The following SORCS1 variants were observed in gnomAD, a reference collection of about 807,000 sequenced individuals.
SORCS1 encodes the protein sortilin related VPS10 domain containing receptor 1.
A neutral mutation model predicts 146.1 loss-of-function variants in SORCS1; 60 were observed. The observed-to-expected ratio is 0.41, with a 90% CI of 0.33 to 0.51. The LOEUF (loss-of-function observed/expected upper bound fraction) is 0.51, where lower values mean the gene tolerates loss of function less well. SORCS1 is among the 20% of genes least tolerant of loss of function. SORCS1 has a pLI of 0.21. For synonymous variants in SORCS1, 637 were observed against 584.0 expected, an observed-to-expected ratio of 1.09 and a Z score of -1.31; for missense variants, 1,352 against 1,487.6, an observed-to-expected ratio of 0.91 and a Z score of 1.50.
At chr10:106,997,646 GA>G (rs1340545188) in intron 1 of SORCS1, among the ~76,000 whole-genome samples, 4 of 152,164 alleles carry the variant, frequency 2.6e-5, no homozygotes, top group African/African-American at 9.7e-5. Flanking sequence ...AGAAATGAGA[GA>G]AATATATACT....
chr10:106,583,422 C>A (rs1379564042), intron 24 of SORCS1, among the ~76,000 whole-genome samples: 2 of 152,154 alleles, frequency 1.3e-5, no homozygotes, highest in Admixed American at 6.5e-5. Flanking sequence ...TGACCACAGA[C>A]CCTTTGCAGA....
chr10:106,722,752 A>G (rs961605715), intron 6 of SORCS1, among the ~76,000 whole-genome samples: 1 of 152,222 alleles, frequency 6.6e-6, no homozygotes, highest in African/African-American at 2.4e-5. Flanking sequence ...AAAAGGGAGA[A>G]GCAATAATGG....
At chr10:106,977,618 G>A (rs1333959770) in intron 1 of SORCS1, among the ~76,000 whole-genome samples, 3 of 135,500 alleles carry the variant, frequency 2.2e-5, no homozygotes, top group Non-Finnish European at 4.7e-5. Flanking sequence ...ATTTGTTCCC[G>A]CTGAATTTTG....
At chr10:107,048,615 C>G (rs7894243) in intron 1 of SORCS1, among the ~76,000 whole-genome samples, 81,783 of 151,932 alleles carry the variant, frequency 0.54, 23,273 homozygotes, top group African/African-American at 0.69. Context: ...TATTTTATGG[C>G]GTACGTGAAG....
At chr10:107,093,674 G>A (rs1275801861) in intron 1 of SORCS1, among the ~76,000 whole-genome samples, 3 of 98,618 alleles carry the variant, frequency 3.0e-5, no homozygotes, top group African/African-American at 4.8e-5. Flanking sequence ...GTGAGACTCA[G>A]TCTCAAAAAA....
At chr10:106,679,112 T>C (rs1402766314) in intron 12 of SORCS1, 144 bp downstream of exon 12, 2 of 563,168 alleles carry the variant, frequency 3.6e-6, no homozygotes, top group East Asian at 5.6e-5. Context: ...TTTAAGACTT[T>C]TATATAAAAA....
At chr10:107,020,019 A>G (rs1342521280) in intron 1 of SORCS1, among the ~76,000 whole-genome samples, 1 of 152,252 alleles carries the variant, frequency 6.6e-6, no homozygotes, top group East Asian at 1.9e-4. Flanking sequence ...CTAAAATTCA[A>G]TGAGCCAAGG....
At chr10:106,677,905 T>C (rs1308387601) in intron 12 of SORCS1, among the ~76,000 whole-genome samples, 1 of 152,216 alleles carries the variant, frequency 6.6e-6, no homozygotes, top group African/African-American at 2.4e-5. Flanking sequence ...TCTTATTATT[T>C]TGAAGTTTCC....
In SORCS1 at chr10:106,983,116, A is replaced by C. The variant is rs913008150; in HGVS notation, c.559-26536T>G. 8.8e-5 allele frequency among the ~76,000 whole-genome samples: 13 copies of C among 148,530 alleles called. 1 individual carries two copies. Among genetic ancestry groups the C allele is most frequent in the African/African-American group, 2.9e-4 (12 of 40,984 alleles). The stretch of plus-strand genomic sequence containing the variant: ...CATTATCTCAGAGGAGGTTATATAT[A>C]TATATATTTCTATAAATATATATAC... On this transcript the variant is annotated intron_variant, in intron 1 of 25. Transcript: ENST00000263054.
At chr10:106,736,097 A>C (rs12242294) in intron 5 of SORCS1, among the ~76,000 whole-genome samples, 3,731 of 152,280 alleles carry the variant, frequency 0.025, 96 homozygotes, top group East Asian at 0.11. Flanking sequence ...GCGCAACATC[A>C]GCCTTCTGAA....
At chr10:106,689,109 G>T (rs1853103699) in intron 9 of SORCS1, among the ~76,000 whole-genome samples, 1 of 152,134 alleles carries the variant, frequency 6.6e-6, no homozygotes. Flanking sequence ...TTTATAACAT[G>T]GTTGTTCTCA....
rs754342458 is a variant in SORCS1, at chr10:106,699,379, G to T, written c.1248C>A (p.Ile416=). The T allele has an allele frequency of 1.2e-6, 2 of 1,611,926 alleles. No individual in the cohort carries two copies. The highest frequency in any genetic ancestry group is 2.2e-5 in the South Asian group (2 of 90,642). The change falls in exon 9 of 26, where the codon ATC becomes ATA. Residue 416 remains isoleucine, a synonymous_variant. Coordinates refer to ENST00000263054, the MANE Select transcript of SORCS1 (RefSeq NM_052918.5). Reference sequence around the variant, plus strand: ...CGAACACCTGATTCTCATCGGTGCTGATAACATGCATGTCCTGTGAAAAGA... The same window carrying T: ...CGAACACCTGATTCTCATCGGTGCTTATAACATGCATGTCCTGTGAAAAGA... ...KYALPKDMHV[I]STDENQVFAA...
At chr10:107,110,488 C>T (rs1965619578) in intron 1 of SORCS1, among the ~76,000 whole-genome samples, 1 of 151,958 alleles carries the variant, frequency 6.6e-6, no homozygotes, top group African/African-American at 2.4e-5. Context: ...AACACAAGAG[C>T]AAGCTAGAGA....
Position 106,677,423 on chromosome 10 carries a change from T to C in SORCS1, c.1741-19A>G, listed in dbSNP as rs41291862. 0.018 allele frequency: 28,370 copies of C among 1,605,826 alleles called. 422 individuals are homozygous for C. The highest frequency in any genetic ancestry group is 0.056 in the South Asian group (5,090 of 90,850). Reference sequence around the variant, plus strand: ...CAAAGATCTGGATGAGGAAAACACATACATGGACACACATCCACATCCACA... The same window carrying C: ...CAAAGATCTGGATGAGGAAAACACACACATGGACACACATCCACATCCACA... On this transcript the variant is annotated intron_variant, in intron 12 of 25. Coordinates refer to ENST00000263054, the MANE Select transcript of SORCS1 (RefSeq NM_052918.5).
intron 1 of SORCS1, among the ~76,000 whole-genome samples, chr10:107,082,373 TA>T: frequency 6.6e-6 from 1 of 152,282 alleles, no homozygotes; most frequent in East Asian, 1.9e-4. Context: ...TTATACTACT[TA>T]ATTATCATTT....
At chr10:107,129,763 T>C (rs1043181488) in intron 1 of SORCS1, among the ~76,000 whole-genome samples, 1 of 152,256 alleles carries the variant, frequency 6.6e-6, no homozygotes, top group Non-Finnish European at 1.5e-5. Flanking sequence ...TAATAACTTC[T>C]TTGATGGCTT....
rs555950809 is a variant in SORCS1 at position 106,816,463 on chromosome 10, T to C, written c.726+13111A>G. Among the ~76,000 whole-genome samples the C allele has an allele frequency of 1.4e-4, 22 of 152,322 alleles. No individual in the cohort carries two copies. The South Asian group carries it at 1.7e-3, about 11-fold the overall frequency. ...ACATGCTGGGACTTTGGTCTCTCTGTCAGCTTGCCATAGAGCATACCCAGC... is the reference window on the plus strand; with the variant it reads ...ACATGCTGGGACTTTGGTCTCTCTGCCAGCTTGCCATAGAGCATACCCAGC... On this transcript the variant is annotated intron_variant, in intron 3 of 25. Transcript: ENST00000263054.
intron 10 of SORCS1, among the ~76,000 whole-genome samples, chr10:106,680,017 G>C (rs1440409311): frequency 6.6e-6 from 1 of 151,878 alleles, no homozygotes; most frequent in Non-Finnish European, 1.5e-5. Flanking sequence ...TTATATAGAG[G>C]GCATGAGATC....
intron 1 of SORCS1, among the ~76,000 whole-genome samples, chr10:107,112,509 T>TA (rs1320723713): frequency 2.0e-5 from 3 of 151,830 alleles, no homozygotes; most frequent in Non-Finnish European, 4.4e-5. Context: ...TGTAGACAAT[T>TA]AAAAAAATGT....
Sources: allele counts gnomAD v4.1 joint callset (sites outside exome capture counted in the v4.1 genomes callset), GRCh38; gene constraint gnomAD v4.1.1; transcripts MANE v1.5; gene names NCBI Gene and HGNC (gene_info 2026-07-23, HGNC 2026-07-21).